The following CABLES1 variants were observed in gnomAD, a reference collection of about 807,000 sequenced individuals.
The protein encoded by CABLES1 is CDK5 and ABL1 enzyme substrate 1.
CABLES1 carries 36 observed loss-of-function variants against 57.8 expected under a neutral mutation model. The observed-to-expected ratio is 0.62, with a 90% CI of 0.48 to 0.82. CABLES1 has a LOEUF of 0.82. Ranked by LOEUF, CABLES1 falls within the 40% of genes least tolerant of loss-of-function variation. The pLI is 0.00. For missense variants in CABLES1, 767 were observed against 836.6 expected (o/e 0.92, Z 1.03); for synonymous variants, 374 against 363.0 (o/e 1.03, Z -0.35).
At chr18:23,177,302 ACT>A (rs901036279) in intron 1 of CABLES1, among the ~76,000 whole-genome samples, 127 of 152,000 alleles carry the variant, frequency 8.4e-4, no homozygotes, top group African/African-American at 2.9e-3. Context: ...TAAGGAGGTA[ACT>A]CTGGCCCCCT....
intron 1 of CABLES1, chr18:23,155,686 G>A: frequency 1.6e-6 from 1 of 631,858 alleles, no homozygotes; most frequent in Admixed American, 3.5e-5. Context: ...GTCTGGGGCG[G>A]CAGGACCTCA....
intron 4 of CABLES1, among the ~76,000 whole-genome samples, chr18:23,222,578 T>G (rs990760437): frequency 8.8e-5 from 13 of 148,424 alleles, no homozygotes; most frequent in African/African-American, 3.2e-4. Flanking sequence ...ATAGATTAGA[T>G]ATATAGATAT....
intron 1 of CABLES1, among the ~76,000 whole-genome samples, chr18:23,171,281 C>G (rs879378872): frequency 6.6e-6 from 1 of 152,196 alleles, no homozygotes; most frequent in Non-Finnish European, 1.5e-5. Context: ...GTCTCCTCAC[C>G]GGATTGTTCT....
intron 3 of CABLES1, among the ~76,000 whole-genome samples, chr18:23,212,173 T>C (rs954705959): frequency 1.3e-5 from 2 of 152,186 alleles, no homozygotes; most frequent in Admixed American, 1.3e-4. Flanking sequence ...TCTGAAGAGG[T>C]TCTGAGTCCA....
At chr18:23,246,753 A>G (rs1352848046) in intron 7 of CABLES1, among the ~76,000 whole-genome samples, 1 of 151,754 alleles carries the variant, frequency 6.6e-6, no homozygotes, top group African/African-American at 2.4e-5. Context: ...GAGCAGTGGC[A>G]CCATCTTGGC....
intron 1 of CABLES1, among the ~76,000 whole-genome samples, chr18:23,149,017 G>A (rs1340465348): frequency 6.6e-6 from 1 of 152,076 alleles, no homozygotes; most frequent in Non-Finnish European, 1.5e-5. Flanking sequence ...AGCTTCCTGA[G>A]TAGCTGGGAC....
rs1184010487 is a variant in CABLES1 at position 23,161,754 on chromosome 18, C to CAAAAAAAAAAA, written c.845+25158_845+25168dup. On this transcript the variant is annotated intron_variant, in intron 1 of 9. Transcript: ENST00000256925. ...TGAAACCCCGTCTCTACTAAAAATC[C>CAAAAAAAAAAA]AAAAAAAAAAAAAAAAAAAAAGCCA... Among the ~76,000 whole-genome samples the CAAAAAAAAAAA allele has an allele frequency of 2.1e-4, 7 of 33,128 alleles. 1 individual carries two copies. The highest frequency in any genetic ancestry group is 5.3e-4 in the African/African-American group (7 of 13,314). 21.7% of individuals were successfully genotyped at this position (33,128 alleles called of 152,430 possible).
At chr18:23,160,325 A>AG in intron 1 of CABLES1, among the ~76,000 whole-genome samples, 1 of 152,192 alleles carries the variant, frequency 6.6e-6, no homozygotes, top group Non-Finnish European at 1.5e-5. Flanking sequence ...CACCGCGCCT[A>AG]GCCGTGTTGG....
intron 4 of CABLES1, among the ~76,000 whole-genome samples, chr18:23,225,818 T>C (rs1032773725): frequency 1.3e-5 from 2 of 152,216 alleles, no homozygotes; most frequent in African/African-American, 4.8e-5. Context: ...GCAAGCAACT[T>C]TCTCAACTTT....
chr18:23,163,736 T>G (rs1423894440), intron 1 of CABLES1, among the ~76,000 whole-genome samples: 1 of 152,150 alleles, frequency 6.6e-6, no homozygotes, highest in Non-Finnish European at 1.5e-5. Flanking sequence ...CTTGACTCTG[T>G]GGTCATTTAA....
chr18:23,168,818 G>T (rs1380900719), intron 1 of CABLES1, among the ~76,000 whole-genome samples: 1 of 152,136 alleles, frequency 6.6e-6, no homozygotes, highest in Non-Finnish European at 1.5e-5. Flanking sequence ...AATCAGACCT[G>T]TGTGAGTGCC....
At chr18:23,194,698 T>C (rs2047269414) in intron 3 of CABLES1, among the ~76,000 whole-genome samples, 158 bp downstream of exon 3, 1 of 152,140 alleles carries the variant, frequency 6.6e-6, no homozygotes, top group Non-Finnish European at 1.5e-5. Flanking sequence ...TCCACCCCAC[T>C]CATGCCAGAA....
intron 4 of CABLES1, among the ~76,000 whole-genome samples, chr18:23,215,303 G>T (rs1020329589): frequency 6.6e-6 from 1 of 152,164 alleles, no homozygotes; most frequent in African/African-American, 2.4e-5. Context: ...CCCGGGTCTG[G>T]CTACATTGGA....
At chr18:23,140,793 G>T (rs936632174) in intron 1 of CABLES1, among the ~76,000 whole-genome samples, 1 of 152,118 alleles carries the variant, frequency 6.6e-6, no homozygotes, top group Non-Finnish European at 1.5e-5. Context: ...ACTTGGGTTA[G>T]CATCATGCCT....
intron 4 of CABLES1, among the ~76,000 whole-genome samples, chr18:23,228,746 TAAAAA>T (rs572362933): frequency 8.0e-6 from 1 of 125,730 alleles, no homozygotes; most frequent in African/African-American, 3.0e-5. Context: ...AGCCTTTGTT[TAAAAA>T]AAAAAAAAAA....
intron 3 of CABLES1, among the ~76,000 whole-genome samples, chr18:23,210,946 A>G (rs1199147310): frequency 6.6e-6 from 1 of 152,058 alleles, no homozygotes; most frequent in African/African-American, 2.4e-5. Context: ...GGAAGTAGCA[A>G]CCCTACTGGA....
chr18:23,242,278 C>CA lies in CABLES1; in HGVS notation c.1446+5043dup, dbSNP rs796547831. On this transcript the variant is annotated intron_variant, in intron 7 of 9. Coordinates refer to ENST00000256925, the MANE Select transcript of CABLES1 (RefSeq NM_001100619.3). Reference sequence around the variant, plus strand: ...GGGTGACGAGAATGAAACTCTGTCTCAAAAAAAAAATTCCTGGGGCAGGTG... The same window carrying CA: ...GGGTGACGAGAATGAAACTCTGTCTCAAAAAAAAAAATTCCTGGGGCAGGTG... 7.7e-3 allele frequency among the ~76,000 whole-genome samples: 1,154 copies of CA among 149,682 alleles called. 7 individuals carry two copies. The highest frequency in any genetic ancestry group is 0.023 in the African/African-American group (928 of 40,868).
intron 4 of CABLES1, among the ~76,000 whole-genome samples, chr18:23,225,025 G>T (rs56860268): frequency 6.6e-6 from 1 of 151,910 alleles, no homozygotes; most frequent in South Asian, 2.1e-4. Context: ...GCACCACCAC[G>T]CCCAGCTAAT....
chr18:23,192,883 C>G (rs563962955), intron 2 of CABLES1, among the ~76,000 whole-genome samples: 7 of 152,098 alleles, frequency 4.6e-5, no homozygotes, highest in Non-Finnish European at 1.0e-4. Flanking sequence ...CTCCTTGAAC[C>G]TTAGCCAATT....
Sources: allele counts gnomAD v4.1 joint callset (sites outside exome capture counted in the v4.1 genomes callset), GRCh38; gene constraint gnomAD v4.1.1; transcripts MANE v1.5; gene names NCBI Gene and HGNC (gene_info 2026-07-23, HGNC 2026-07-21).